The following THSD4 variants were observed in gnomAD, a reference collection of about 807,000 sequenced individuals.
THSD4 encodes the protein thrombospondin type 1 domain containing 4.
Under a neutral mutation model 119.0 loss-of-function variants are expected in THSD4, and 69 were observed. The observed-to-expected ratio is 0.58, with a 90% CI of 0.48 to 0.71. THSD4 has a LOEUF of 0.71. THSD4 is among the 30% of genes least tolerant of loss of function. The pLI is 0.00. For missense variants in THSD4, 1,393 were observed against 1,391.1 expected, an observed-to-expected ratio of 1.00 and a Z score of -0.02; for synonymous variants, 524 against 540.4, an observed-to-expected ratio of 0.97 and a Z score of 0.42.
intron 8 of THSD4, among the ~76,000 whole-genome samples, chr15:71,688,018 T>C (rs1288985910): frequency 6.6e-6 from 1 of 152,240 alleles, no homozygotes; most frequent in Non-Finnish European, 1.5e-5. Flanking sequence ...ATGTTTGTTT[T>C]GTTCACATGT....
At chr15:71,125,838 T>C (rs2040450177) in intron 1 of THSD4, among the ~76,000 whole-genome samples, 1 of 152,194 alleles carries the variant, frequency 6.6e-6, no homozygotes, top group South Asian at 2.1e-4. Context: ...GGAACATGTT[T>C]TTGCTGTGTA....
intron 7 of THSD4, among the ~76,000 whole-genome samples, chr15:71,510,620 T>C (rs189205616): frequency 2.0e-5 from 3 of 152,308 alleles, no homozygotes; most frequent in Admixed American, 2.0e-4. Context: ...GCAATGCTGC[T>C]GCCTGGATTA....
At chr15:71,773,698 G>A (rs986125198) in intron 17 of THSD4, among the ~76,000 whole-genome samples, 1 of 152,210 alleles carries the variant, frequency 6.6e-6, no homozygotes, top group Non-Finnish European at 1.5e-5. Flanking sequence ...ATCCCAGAGG[G>A]CTGCTGATAG....
At chr15:71,624,583 G>T (rs1253179456) in intron 7 of THSD4, among the ~76,000 whole-genome samples, 1 of 152,074 alleles carries the variant, frequency 6.6e-6, no homozygotes, top group Non-Finnish European at 1.5e-5. Context: ...CCTGTGTTTT[G>T]GACTCATTTG....
At chr15:71,474,610 T>C (rs985705702) in intron 7 of THSD4, among the ~76,000 whole-genome samples, 17 of 152,180 alleles carry the variant, frequency 1.1e-4, no homozygotes, top group Admixed American at 2.0e-4. Flanking sequence ...TTCTCACTTC[T>C]CCAGATCTGT....
At chr15:71,587,865 G>T (rs1314420334) in intron 7 of THSD4, among the ~76,000 whole-genome samples, 1 of 149,948 alleles carries the variant, frequency 6.7e-6, no homozygotes, top group Non-Finnish European at 1.5e-5. Context: ...TAAAGAAAAT[G>T]GCAGATAGAG....
intron 14 of THSD4, among the ~76,000 whole-genome samples, chr15:71,756,373 A>G (rs1235133630): frequency 6.6e-6 from 1 of 152,218 alleles, no homozygotes; most frequent in Non-Finnish European, 1.5e-5. Flanking sequence ...AAATCCAGGT[A>G]GAAACTTGAA....
chr15:71,567,574 G>T (rs2140892952), intron 7 of THSD4, among the ~76,000 whole-genome samples: 1 of 144,448 alleles, frequency 6.9e-6, no homozygotes, highest in East Asian at 2.1e-4. Context: ...CTTCCAACTT[G>T]CTCCTGGACA....
chr15:71,608,117 TGGGGCCGAGGCAGGAG>T, intron 7 of THSD4, among the ~76,000 whole-genome samples: 1 of 149,526 alleles, frequency 6.7e-6, no homozygotes, highest in East Asian at 2.0e-4. Context: ...CAGCTACTTG[TGGGGCCGAGGCAGGAG>T]AATTGTTTGA....
chr15:71,102,723 C>A (rs139857867), intron 1 of THSD4, among the ~76,000 whole-genome samples: 1,719 of 152,208 alleles, frequency 0.011, 33 homozygotes, highest in African/African-American at 0.038. Flanking sequence ...TGCCACCATG[C>A]CCAGCTAATT....
intron 3 of THSD4, among the ~76,000 whole-genome samples, chr15:71,160,854 T>G: frequency 6.6e-6 from 1 of 151,954 alleles, no homozygotes; most frequent in Admixed American, 6.6e-5. Context: ...GGGTTTAGTT[T>G]GTTCTTGAGG....
chr15:71,774,208 G>T (rs1567146806), intron 17 of THSD4, among the ~76,000 whole-genome samples: 1 of 151,832 alleles, frequency 6.6e-6, no homozygotes, highest in Non-Finnish European at 1.5e-5. Flanking sequence ...CTACTTGGAA[G>T]GCTGAGGTGG....
chr15:71,526,401 G>C (rs1169864722), intron 7 of THSD4, among the ~76,000 whole-genome samples: 1 of 152,200 alleles, frequency 6.6e-6, no homozygotes, highest in African/African-American at 2.4e-5. Flanking sequence ...CTTGTTAGGA[G>C]AGAGTCGCTT....
intron 2 of THSD4, 34 bp downstream of exon 2, chr15:71,141,590 G>T: frequency 1.3e-6 from 2 of 1,592,230 alleles, no homozygotes; most frequent in Middle Eastern, 1.7e-4. Flanking sequence ...AAAAACAGGA[G>T]AATAAGAAAT....
intron 7 of THSD4, chr15:71,547,627 C>G: frequency 1.1e-6 from 1 of 917,000 alleles, no homozygotes. Flanking sequence ...CTTCTCTTGC[C>G]TTTTCTTATA....
intron 7 of THSD4, among the ~76,000 whole-genome samples, chr15:71,497,571 A>T (rs759749634): frequency 1.1e-4 from 16 of 151,854 alleles, no homozygotes; most frequent in Admixed American, 4.6e-4. Flanking sequence ...ATACATATAA[A>T]TAATATATAA....
At chr15:71,271,926 A>G (rs544063120) in intron 6 of THSD4, among the ~76,000 whole-genome samples, 1 of 152,344 alleles carries the variant, frequency 6.6e-6, no homozygotes, top group African/African-American at 2.4e-5. Flanking sequence ...AAAAGCAAAA[A>G]TAGACAAATG....
chr15:71,554,318 A>G (rs781623857), intron 7 of THSD4, among the ~76,000 whole-genome samples: 3 of 150,740 alleles, frequency 2.0e-5, no homozygotes, highest in Non-Finnish European at 4.4e-5. Flanking sequence ...GATGGTCTCC[A>G]TCTCCTGACC....
At chr15:71,268,895 C>T (rs113953166) in intron 6 of THSD4, among the ~76,000 whole-genome samples, 1 of 152,114 alleles carries the variant, frequency 6.6e-6, no homozygotes, top group African/African-American at 2.4e-5. Context: ...TGAATACACC[C>T]TTCCAAGACT....
Sources: gnomAD v4.1 joint callset for allele counts (sites outside exome capture counted in the v4.1 genomes callset) on GRCh38, gnomAD v4.1.1 for gene constraint, MANE v1.5 for transcripts, NCBI Gene and HGNC (gene_info 2026-07-23, HGNC 2026-07-21) for gene names.